Variants in NXNL2 observed in about 807,000 individuals in gnomAD.
The protein encoded by NXNL2 is nucleoredoxin-like protein 2.
NXNL2 carries 7 observed loss-of-function variants against 11.1 expected under a neutral mutation model. That is an observed-to-expected ratio of 0.63 (90% CI 0.36 to 1.18). NXNL2 has a LOEUF of 1.18. NXNL2 is among the 50% of genes most tolerant of loss of function. The probability of loss-of-function intolerance (pLI) is 0.02; values close to 1 mark genes in which losing one functional copy is unlikely to be tolerated. For synonymous variants in NXNL2, 109 were observed against 101.8 expected (o/e 1.07, Z -0.42); for missense variants, 233 against 217.7 (o/e 1.07, Z -0.44).
At position 88,558,251 on chromosome 9, in the gene NXNL2, A is replaced by G. The variant is rs570740340; in HGVS notation, c.303-12836A>G. On this transcript the variant is annotated intron_variant, in intron 1 of 2. Coordinates refer to the NXNL2 transcript ENST00000375855. The stretch of plus-strand genomic sequence containing the variant: ...CAATGATGTCATCAGTCATGCCTAC[A>G]TAATAAAGCTTCCATGAAACCCCAA... Among the ~76,000 whole-genome samples the G allele has an allele frequency of 7.2e-5, 11 of 152,232 alleles. No homozygotes were observed. In the South Asian group the frequency reaches 2.1e-3, roughly 29 times the overall value.
Position 88,544,616 on chromosome 9 carries a change from G to T in NXNL2, c.*69G>T. The T allele has an allele frequency of 6.9e-7, 1 of 1,454,986 alleles. No individual in the cohort carries two copies. The highest frequency in any genetic ancestry group is 2.5e-5 in the East Asian group (1 of 39,272). The allele number at this position is 1,454,986 out of a possible 1,614,324, so 90.1% of individuals were successfully genotyped here. A position where few individuals can be genotyped will look rare whatever the true frequency, so the allele number is the denominator to read the frequency against. Reference sequence around the variant, plus strand: ...AGCACCGACGCTGGGGCAAAGAGGAGCATGTTGGGTTCCTTCCTCTGTTGG... The same window carrying T: ...AGCACCGACGCTGGGGCAAAGAGGATCATGTTGGGTTCCTTCCTCTGTTGG... On this transcript the variant is annotated 3_prime_UTR_variant, in exon 2 of 2. Transcript: ENST00000375854.
chr9:88,540,441 C>T (rs992537527), intron 1 of NXNL2, among the ~76,000 whole-genome samples: 1 of 151,088 alleles, frequency 6.6e-6, no homozygotes, highest in Non-Finnish European at 1.5e-5. Flanking sequence ...TGTCCAGGCT[C>T]CATCTGGCCG....
intron 1 of NXNL2, among the ~76,000 whole-genome samples, chr9:88,552,594 C>T (rs1340356974): frequency 6.6e-6 from 1 of 151,792 alleles, no homozygotes; most frequent in East Asian, 1.9e-4. Context: ...CCTCAGCCTC[C>T]CGAGTAGCTG....
rs1829819833 is a variant in NXNL2, at chr9:88,544,458, A to G, written c.382A>G (p.Lys128Glu). 2 of 1,551,834 alleles carry G rather than the reference A, an allele frequency of 1.3e-6. No homozygotes were observed. The highest frequency in any genetic ancestry group is 2.4e-5 in the South Asian group (2 of 84,066). Residue 128 changes from lysine (K) to glutamate (E), a missense_variant, in exon 2 of 2, where the codon AAA becomes GAA. Coordinates refer to ENST00000375854, the MANE Select transcript of NXNL2 (RefSeq NM_001161625.2). ...ACAAAATGGGGAGGTCATCACCAAC[A>G]AAGGGCGGAAGCAGATCCGGGAACG... ...VKQNGEVITN[K>E]GRKQIRERGL...
chr9:88,578,604 C>T (rs1445540893), downstream of NXNL2, among the ~76,000 whole-genome samples: 1 of 152,244 alleles, frequency 6.6e-6, no homozygotes, highest in East Asian at 1.9e-4. Context: ...GTTGGGAAGT[C>T]CGGTCCGGCT....
intron 1 of NXNL2, among the ~76,000 whole-genome samples, chr9:88,542,284 A>G (rs986497834): frequency 6.6e-6 from 1 of 151,414 alleles, no homozygotes; most frequent in African/African-American, 2.4e-5. Context: ...AAAAAAATAT[A>G]TATTTTTTTA....
At chr9:88,559,696 G>T (rs1252285627) in intron 1 of NXNL2, among the ~76,000 whole-genome samples, 2 of 152,194 alleles carry the variant, frequency 1.3e-5, no homozygotes, top group Non-Finnish European at 2.9e-5. Flanking sequence ...CGCCCAGTTT[G>T]TTTAAATCCC....
chr9:88,579,863 G>A (rs1290245085), downstream of NXNL2, among the ~76,000 whole-genome samples: 1 of 152,156 alleles, frequency 6.6e-6, no homozygotes, highest in African/African-American at 2.4e-5. Context: ...GGGCGCGGTG[G>A]CTCACGCCTG....
intron 1 of NXNL2, among the ~76,000 whole-genome samples, chr9:88,555,894 G>A (rs1280623842): frequency 6.6e-6 from 1 of 152,224 alleles, no homozygotes; most frequent in Non-Finnish European, 1.5e-5. Context: ...ACAGTGCACA[G>A]CCAGTCATGC....
At chr9:88,581,714 C>T (rs1369018950) in intron 1 of NXNL2, among the ~76,000 whole-genome samples, 1 of 152,168 alleles carries the variant, frequency 6.6e-6, no homozygotes, top group Non-Finnish European at 1.5e-5. Flanking sequence ...CCTCGGCCTC[C>T]CAAAGTGTTG....
chr9:88,542,765 G>A (rs182219298), intron 1 of NXNL2, among the ~76,000 whole-genome samples: 11 of 152,308 alleles, frequency 7.2e-5, no homozygotes, highest in Non-Finnish European at 1.3e-4. Flanking sequence ...TCTGTTGAGC[G>A]TAGGGGACCC....
At chr9:88,575,786 G>A (rs1214189652) in exon 3 of NXNL2, 2 of 152,142 alleles carry the variant, frequency 1.3e-5, no homozygotes, top group Admixed American at 6.5e-5. Context: ...AATGCTTGAG[G>A]GGATGAATAC....
rs543935452 is a variant in NXNL2, at chr9:88,542,612, T to C, written c.303-1767T>C. Among the ~76,000 whole-genome samples, 4 of 152,332 alleles carry C rather than the reference T, an allele frequency of 2.6e-5. No individual in the cohort carries two copies. The South Asian group carries it at 8.3e-4, about 32-fold the overall frequency. On this transcript the variant is annotated intron_variant, in intron 1 of 1. Coordinates refer to ENST00000375854, the MANE Select transcript of NXNL2 (RefSeq NM_001161625.2). ...CCCCAAAAATGGTTTCTTATTGGTT[T>C]CCAATTCCATTACCATTGGTCTGAT...
chr9:88,566,744 T>C (rs566579980), intron 1 of NXNL2, among the ~76,000 whole-genome samples: 4 of 152,372 alleles, frequency 2.6e-5, no homozygotes, highest in African/African-American at 7.2e-5. Context: ...TTTCTGGTTT[T>C]CCCAACACCA....
downstream of NXNL2, chr9:88,545,022 G>A (rs41286039): frequency 0.022 from 8,156 of 362,660 alleles, 130 homozygotes; most frequent in Non-Finnish European, 0.028. Flanking sequence ...GTGCCAGTAG[G>A]AAGAAAAGGA....
rs540962219 is a variant in NXNL2 at position 88,569,072 on chromosome 9, A to G, written c.303-2015A>G. Among the ~76,000 whole-genome samples, 32 of 152,218 alleles carry G rather than the reference A, an allele frequency of 2.1e-4. No individual in the cohort carries two copies. The East Asian group carries it at 5.6e-3, about 27-fold the overall frequency. On this transcript the variant is annotated intron_variant, in intron 1 of 2. Coordinates refer to the NXNL2 transcript ENST00000375855. ...CTCCTGAGTAGCTGGGAATACAGGC[A>G]TGCACCGCCACACCAGGATAATTTT...
chr9:88,559,686 C>T (rs78134934), intron 1 of NXNL2, among the ~76,000 whole-genome samples: 2,140 of 152,288 alleles, frequency 0.014, 47 homozygotes, highest in African/African-American at 0.047. Context: ...TCATTCTACT[C>T]GCCCAGTTTG....
intron 1 of NXNL2, among the ~76,000 whole-genome samples, chr9:88,563,885 A>T (rs1830124442): frequency 1.3e-5 from 2 of 151,918 alleles, no homozygotes; most frequent in South Asian, 4.2e-4. Context: ...CAAAAATGGC[A>T]CCTGACTTCT....
At chr9:88,544,983 CTA>C, downstream of NXNL2, 1 of 730,836 alleles carries the variant, frequency 1.4e-6, no homozygotes, top group South Asian at 6.2e-5. Flanking sequence ...ATAAACAAGT[CTA>C]TTGCCTTCTT....
Sources: gnomAD v4.1 joint callset for allele counts (sites outside exome capture counted in the v4.1 genomes callset) on GRCh38, gnomAD v4.1.1 for gene constraint, MANE v1.5 for transcripts, NCBI Gene and HGNC (gene_info 2026-07-23, HGNC 2026-07-21) for gene names.